Variants in COX6B2 observed in about 807,000 individuals in gnomAD.
COX6B2 encodes cytochrome c oxidase subunit 6B2.
Under a neutral mutation model 13.7 loss-of-function variants are expected in COX6B2, and 12 were observed. The observed-to-expected ratio is 0.87, with a 90% CI of 0.56 to 1.41. COX6B2 has a LOEUF of 1.41. Among genes scored for constraint, COX6B2 ranks in the 40% most tolerant of loss-of-function variants. The probability of loss-of-function intolerance (pLI) is 0.00; values close to 1 mark genes in which losing one functional copy is unlikely to be tolerated. For synonymous variants in COX6B2, 56 were observed against 46.6 expected, an observed-to-expected ratio of 1.20 and a Z score of -0.82; for missense variants, 130 against 118.3, an observed-to-expected ratio of 1.10 and a Z score of -0.46.
chr19:55,349,960 T>C lies in COX6B2; in HGVS notation c.*955A>G, dbSNP rs574837115. 1 of 151,948 alleles carries C rather than the reference T, an allele frequency of 6.6e-6. No individual in the cohort carries two copies. The highest frequency in any genetic ancestry group is 1.5e-5 in the Non-Finnish European group (1 of 68,020). 9.4% of individuals were successfully genotyped at this position (151,948 alleles called of 1,614,324 possible). ...CTGACCAACACGGAGAAACCCCGTC[T>C]CTACTAAAAATACAAAATAAGCTGG... On this transcript the variant is annotated 3_prime_UTR_variant, in exon 5 of 5. Transcript: ENST00000326529.
intron 4 of COX6B2, among the ~76,000 whole-genome samples, chr19:55,351,526 G>A (rs985660421): frequency 5.9e-5 from 9 of 152,132 alleles, no homozygotes; most frequent in South Asian, 2.1e-4. Flanking sequence ...GGGAAGAACC[G>A]CAGAGGGAGG....
intron 2 of COX6B2, 75 bp downstream of exon 2, chr19:55,354,335 T>G: frequency 8.7e-7 from 1 of 1,149,828 alleles, no homozygotes; most frequent in Admixed American, 1.9e-5. Flanking sequence ...CCGCGGGACT[T>G]AGGGTGGGAG....
At position 55,353,784 on chromosome 19, in the gene COX6B2, A is replaced by G; in HGVS notation, c.214-10T>C. On this transcript the variant is annotated splice_polypyrimidine_tract_variant and intron_variant, in intron 3 of 4. Transcript: ENST00000326529. Reference sequence around the variant, plus strand: ...CGTTCCAGCTCTCCACCTGGGAAGCAGAAAGGCAGGGAGCGGGACGCCGGC... The same window carrying G: ...CGTTCCAGCTCTCCACCTGGGAAGCGGAAAGGCAGGGAGCGGGACGCCGGC... The G allele has an allele frequency of 1.2e-6, 2 of 1,607,500 alleles. No homozygotes were observed. Among genetic ancestry groups the G allele is most frequent in the Non-Finnish European group, 1.7e-6 (2 of 1,177,094 alleles).
intron 4 of COX6B2, among the ~76,000 whole-genome samples, chr19:55,351,197 A>G (rs1341185816): frequency 6.6e-6 from 1 of 152,176 alleles, no homozygotes; most frequent in Non-Finnish European, 1.5e-5. Context: ...ATGTTTTCAC[A>G]TCGCCGTCCT....
rs572835795 is a variant in COX6B2 at position 55,350,405 on chromosome 19, G to A, written c.*510C>T. 6 of 152,552 alleles carry A rather than the reference G, an allele frequency of 3.9e-5. No homozygotes were observed. The highest frequency in any genetic ancestry group is 1.4e-4 in the African/African-American group (6 of 41,586). 9.4% of individuals were successfully genotyped at this position (152,552 alleles called of 1,614,324 possible). A position where few individuals can be genotyped will look rare whatever the true frequency, so the allele number is the denominator to read the frequency against. ...CTGGGCAGCACCGGGTGGTGGGGGAGGGGAGACACCAGGCCCATAGTGACC... is the reference window on the plus strand; with the variant it reads ...CTGGGCAGCACCGGGTGGTGGGGGAAGGGAGACACCAGGCCCATAGTGACC... On this transcript the variant is annotated 3_prime_UTR_variant, in exon 5 of 5. Coordinates refer to ENST00000326529, the MANE Select transcript of COX6B2 (RefSeq NM_144613.5). The surrounding 1 kb of genome is among the most constrained non-coding windows in gnomAD (Gnocchi z 4.2).
rs867448141 is a variant in COX6B2, at chr19:55,354,580, G to A, written c.-18-41C>T. 9.3e-6 allele frequency: 12 copies of A among 1,283,672 alleles called. No individual in the cohort carries two copies. In the Middle Eastern group the frequency reaches 1.2e-3, roughly 129 times the overall value. 79.5% of individuals were successfully genotyped at this position (1,283,672 alleles called of 1,614,324 possible). On this transcript the variant is annotated intron_variant, in intron 1 of 4. Transcript: ENST00000326529. ...GGACGGGGACTCCGTGGGGCCGAGG[G>A]GGCGCCCTCGCTCCGACCCGTCTCC...
At position 55,350,956 on chromosome 19, in the gene COX6B2, C is replaced by T. The variant is rs1011319518; in HGVS notation, c.*115-156G>A. Among the ~76,000 whole-genome samples, 3 of 152,254 alleles carry T rather than the reference C, an allele frequency of 2.0e-5. No homozygotes were observed. The highest frequency in any genetic ancestry group is 7.2e-5 in the African/African-American group (3 of 41,466). ...GACCCCGTGTCTCCCTGTGGGGGCA[C>T]TCTGGCCCTTTATGCTGCAAGCTAG... On this transcript the variant is annotated intron_variant, in intron 4 of 4. Coordinates refer to ENST00000326529, the MANE Select transcript of COX6B2 (RefSeq NM_144613.5). The surrounding 1 kb of genome is among the most constrained non-coding windows in gnomAD (Gnocchi z 4.2).
chr19:55,354,371 C>A, intron 2 of COX6B2, 39 bp downstream of exon 2: 1 of 1,539,264 alleles, frequency 6.5e-7, no homozygotes, highest in Non-Finnish European at 8.9e-7. Context: ...TCCCTTGTCA[C>A]ACCCTGCTCC....
Position 55,354,461 on chromosome 19 carries a change from G to T in COX6B2, c.61C>A (p.Pro21Thr), listed in dbSNP as rs374797839. Reference sequence around the variant, plus strand: ...ATCTGGTTCTGGCTGGGGAAGCGCGGGTCGAAGGGCGGCGTCGACCATTTC... The same window carrying T: ...ATCTGGTTCTGGCTGGGGAAGCGCGTGTCGAAGGGCGGCGTCGACCATTTC... ...KGKWSTPPFD[P>T]RFPSQNQIRN... is the part of the protein sequence containing the mutation. Residue 21 changes from proline to threonine, a missense_variant, in exon 2 of 5, where the codon CCG becomes ACG. Coordinates refer to ENST00000326529, the MANE Select transcript of COX6B2 (RefSeq NM_144613.5). The T allele has an allele frequency of 1.7e-5, 27 of 1,613,940 alleles. No individual in the cohort carries two copies. In the African/African-American group the frequency reaches 2.3e-4, roughly 14 times the overall value.
At chr19:55,351,411 C>T (rs765966638) in intron 4 of COX6B2, among the ~76,000 whole-genome samples, 8 of 152,046 alleles carry the variant, frequency 5.3e-5, no homozygotes, top group Non-Finnish European at 7.4e-5. Flanking sequence ...AGAGAGGAGG[C>T]GAAGCTGCGG....
At chr19:55,353,991 C>A (rs750498393) in intron 2 of COX6B2, 25 bp from the exon 3 acceptor site, 10 of 1,527,442 alleles carry the variant, frequency 6.5e-6, no homozygotes, top group South Asian at 1.2e-5. Context: ...GGTCACGCGG[C>A]AAGCCACGCC....
chr19:55,353,799 G>C (rs1471996345), intron 3 of COX6B2, 25 bp from the exon 4 acceptor site: 7 of 1,599,570 alleles, frequency 4.4e-6, no homozygotes, highest in Non-Finnish European at 6.0e-6. Context: ...GGCAGGGAGC[G>C]GGACGCCGGC....
At position 55,352,936 on chromosome 19, in the gene COX6B2, G is replaced by A. The variant is rs2089679189; in HGVS notation, c.*114+671C>T. The A allele has an allele frequency of 6.6e-6, 1 of 152,664 alleles. No individual in the cohort carries two copies. The highest frequency in any genetic ancestry group is 6.5e-5 in the Admixed American group (1 of 15,288). The allele number at this position is 152,664 out of a possible 1,614,324, so 9.5% of individuals were successfully genotyped here. A position where few individuals can be genotyped will look rare whatever the true frequency, so the allele number is the denominator to read the frequency against. On this transcript the variant is annotated intron_variant, in intron 4 of 4. Transcript: ENST00000326529. The surrounding 1 kb of genome is among the most constrained non-coding windows in gnomAD (Gnocchi z 6.2). ...CTGACAGCGGCCTCTGCGGGGTGGG[G>A]GTGCGGGGTGAGCCTGATGCATTGG... is the stretch of plus-strand genomic sequence containing the variant.
In COX6B2 at chr19:55,354,086, C is replaced by A. The variant is rs1033436333; in HGVS notation, c.113-120G>T. ...GTCCCGCCTCCCTCTCCCCTGGAGG[C>A]CTCCGTCCCGCCCCTCCCAGCCAGG... On this transcript the variant is annotated intron_variant, in intron 2 of 4. Transcript: ENST00000326529. The A allele has an allele frequency of 2.8e-5, 25 of 903,894 alleles. No individual in the cohort carries two copies. In the African/African-American group the frequency reaches 3.6e-4, roughly 13 times the overall value. The allele number at this position is 903,894 out of a possible 1,614,324, so 56.0% of individuals were successfully genotyped here. A position where few individuals can be genotyped will look rare whatever the true frequency, so the allele number is the denominator to read the frequency against.
intron 4 of COX6B2, chr19:55,353,091 G>C (rs767645739): frequency 3.8e-5 from 6 of 156,160 alleles, no homozygotes; most frequent in Non-Finnish European, 1.4e-5. Context: ...AAATGAGCCA[G>C]GTGGGAGCGG....
At position 55,353,763 on chromosome 19, in the gene COX6B2, C is replaced by A; in HGVS notation, c.225G>T (p.Trp75Cys). 1 of 1,609,818 alleles carries A rather than the reference C, an allele frequency of 6.2e-7. No homozygotes were observed. Among genetic ancestry groups the A allele is most frequent in the Non-Finnish European group, 8.5e-7 (1 of 1,178,164 alleles). ...AAATCCCGTTCTTGATCTGCTCGTT[C>A]CAGCTCTCCACCTGGGAAGCAGAAA... Reference protein sequence around the residue: ...SLCPISWVESWNEQIKNGIFA... With the variant: ...SLCPISWVESCNEQIKNGIFA... Residue 75 changes from tryptophan to cysteine, a missense_variant, in exon 4 of 5, where the codon TGG becomes TGT. Transcript: ENST00000326529.
intron 4 of COX6B2, among the ~76,000 whole-genome samples, chr19:55,351,419 C>T (rs889896088): frequency 3.9e-5 from 6 of 152,080 alleles, no homozygotes; most frequent in Non-Finnish European, 8.8e-5. Context: ...GGCGAAGCTG[C>T]GGCCCCTAGG....
rs760159743 is a variant in COX6B2, at chr19:55,354,542, G to C, written c.-18-3C>G. The C allele has an allele frequency of 1.9e-6, 3 of 1,562,896 alleles. No homozygotes were observed. The highest frequency in any genetic ancestry group is 2.6e-6 in the Non-Finnish European group (3 of 1,139,012). On this transcript the variant is annotated splice_region_variant and splice_polypyrimidine_tract_variant and intron_variant, in intron 1 of 4. Coordinates refer to ENST00000326529, the MANE Select transcript of COX6B2 (RefSeq NM_144613.5). ...AACATCCACGAAGGAGGCAACTCCTGCGAGACGGGACGGGACGGGGACTCC... is the reference window on the plus strand; with the variant it reads ...AACATCCACGAAGGAGGCAACTCCTCCGAGACGGGACGGGACGGGGACTCC...
chr19:55,354,462 G>A lies in COX6B2; in HGVS notation c.60C>T (p.Asp20=), dbSNP rs1186378509. The change falls in exon 2 of 5, where the codon GAC becomes GAT. Residue 20 remains aspartate (D), a synonymous_variant. Transcript: ENST00000326529. Reference sequence around the variant, plus strand: ...TCTGGTTCTGGCTGGGGAAGCGCGGGTCGAAGGGCGGCGTCGACCATTTCC... The same window carrying A: ...TCTGGTTCTGGCTGGGGAAGCGCGGATCGAAGGGCGGCGTCGACCATTTCC... ...PKGKWSTPPF[D]PRFPSQNQIR... 1.2e-6 allele frequency: 2 copies of A among 1,613,942 alleles called. No homozygotes were observed. The highest frequency in any genetic ancestry group is 1.3e-5 in the African/African-American group (1 of 74,938).
Sources: allele counts gnomAD v4.1 joint callset (sites outside exome capture counted in the v4.1 genomes callset), GRCh38; gene constraint gnomAD v4.1.1; non-coding constraint Gnocchi (gnomAD v3.1); transcripts MANE v1.5; gene names NCBI Gene and HGNC (gene_info 2026-07-23, HGNC 2026-07-21).